Variants in KLHL1 observed in about 807,000 individuals in gnomAD.
KLHL1 encodes the protein kelch like family member 1.
A neutral mutation model predicts 77.7 loss-of-function variants in KLHL1; 47 were observed. That is an observed-to-expected ratio of 0.60 (90% CI 0.48 to 0.77). The LOEUF is 0.77. Among genes scored for constraint, KLHL1 ranks in the 30% least tolerant of loss-of-function variants. The probability of loss-of-function intolerance (pLI) is 0.00; values close to 1 mark genes in which losing one functional copy is unlikely to be tolerated. For synonymous variants in KLHL1, 360 were observed against 325.2 expected, an observed-to-expected ratio of 1.11 and a Z score of -1.15; for missense variants, 925 against 910.8, an observed-to-expected ratio of 1.02 and a Z score of -0.20.
chr13:69,746,676 CT>C (rs1874228655), intron 7 of KLHL1, among the ~76,000 whole-genome samples: 1 of 149,890 alleles, frequency 6.7e-6, no homozygotes, highest in Admixed American at 6.7e-5. Flanking sequence ...CATTTTTTTC[CT>C]TTTCCCCGTG....
At position 69,996,698 on chromosome 13, in the gene KLHL1, T is replaced by G. The variant is rs1195817473; in HGVS notation, c.498-20896A>C. On this transcript the variant is annotated intron_variant, in intron 1 of 10. Coordinates refer to ENST00000377844, the MANE Select transcript of KLHL1 (RefSeq NM_020866.3). ...GGAAGAACTTTAATTACCTTGATAA[T>G]GCATATACCAACACACTTTTCCATA... Among the ~76,000 whole-genome samples, 4 of 152,070 alleles carry G rather than the reference T, an allele frequency of 2.6e-5. 1 individual carries two copies. The highest frequency in any genetic ancestry group is 5.9e-5 in the Non-Finnish European group (4 of 68,006).
intron 7 of KLHL1, among the ~76,000 whole-genome samples, chr13:69,747,754 A>G (rs1217856186): frequency 2.6e-5 from 4 of 152,018 alleles, no homozygotes; most frequent in Non-Finnish European, 5.9e-5. Flanking sequence ...TGTTGCTAAG[A>G]ACATTAGGAA....
At chr13:69,814,593 T>C (rs1221549582) in intron 6 of KLHL1, among the ~76,000 whole-genome samples, 1 of 151,962 alleles carries the variant, frequency 6.6e-6, no homozygotes, top group African/African-American at 2.4e-5. Flanking sequence ...AACAGATACA[T>C]CTCAATAGAA....
At chr13:70,072,580 T>C (rs2137419489) in intron 1 of KLHL1, among the ~76,000 whole-genome samples, 1 of 152,066 alleles carries the variant, frequency 6.6e-6, no homozygotes, top group East Asian at 1.9e-4. Flanking sequence ...TGTATAACAA[T>C]AATTATACAC....
At chr13:70,082,709 C>T (rs2137431708) in intron 1 of KLHL1, among the ~76,000 whole-genome samples, 1 of 152,226 alleles carries the variant, frequency 6.6e-6, no homozygotes, top group South Asian at 2.1e-4. Flanking sequence ...GACACAGAAT[C>T]AACCCAGGTA....
At chr13:69,910,853 A>T (rs1003241013) in intron 4 of KLHL1, among the ~76,000 whole-genome samples, 2 of 152,148 alleles carry the variant, frequency 1.3e-5, no homozygotes, top group Non-Finnish European at 2.9e-5. Context: ...AGGAGAAGCC[A>T]GAGGACACAT....
At chr13:69,904,409 C>T (rs931562080) in intron 4 of KLHL1, among the ~76,000 whole-genome samples, 33 of 152,132 alleles carry the variant, frequency 2.2e-4, no homozygotes, top group Non-Finnish European at 7.4e-5. Flanking sequence ...CTTTATAAAT[C>T]TCCAACGTTC....
At chr13:69,737,448 C>T (rs924922498) in intron 8 of KLHL1, among the ~76,000 whole-genome samples, 3 of 152,342 alleles carry the variant, frequency 2.0e-5, no homozygotes, top group African/African-American at 7.2e-5. Flanking sequence ...GAATCTCTGG[C>T]GGCCAGCACA....
chr13:70,100,402 T>A (rs967251555), intron 1 of KLHL1, among the ~76,000 whole-genome samples: 3 of 152,186 alleles, frequency 2.0e-5, no homozygotes, highest in African/African-American at 4.8e-5. Flanking sequence ...TTGCTACATT[T>A]TTTTGTCGAT....
At chr13:70,086,572 CAAA>C (rs1211467536) in intron 1 of KLHL1, among the ~76,000 whole-genome samples, 1 of 36,746 alleles carries the variant, frequency 2.7e-5, no homozygotes, top group African/African-American at 9.5e-5. Flanking sequence ...AGCTCTGTCT[CAAA>C]AAAAAAAAAA....
At chr13:69,948,158 T>G (rs1883590656) in intron 3 of KLHL1, among the ~76,000 whole-genome samples, 1 of 152,154 alleles carries the variant, frequency 6.6e-6, no homozygotes, top group Non-Finnish European at 1.5e-5. Context: ...TCTCCAGAGT[T>G]AATTAATGAG....
intron 3 of KLHL1, among the ~76,000 whole-genome samples, chr13:69,959,374 C>A (rs1883995291): frequency 6.6e-6 from 1 of 151,816 alleles, no homozygotes; most frequent in African/African-American, 2.4e-5. Flanking sequence ...TTCCAGGAAA[C>A]AATAACGTAA....
At chr13:69,986,244 A>C (rs1054418305) in intron 1 of KLHL1, among the ~76,000 whole-genome samples, 1 of 151,956 alleles carries the variant, frequency 6.6e-6, no homozygotes, top group East Asian at 1.9e-4. Context: ...CAGGAGGAAT[A>C]AGTTCTGTTG....
intron 6 of KLHL1, among the ~76,000 whole-genome samples, chr13:69,812,049 A>C (rs2138063623): frequency 6.6e-6 from 1 of 151,924 alleles, no homozygotes; most frequent in East Asian, 1.9e-4. Flanking sequence ...TAGTGCTATA[A>C]ATTTCCCTCT....
chr13:69,818,600 G>A (rs934992142), intron 6 of KLHL1, among the ~76,000 whole-genome samples: 12 of 152,124 alleles, frequency 7.9e-5, no homozygotes, highest in African/African-American at 2.7e-4. Flanking sequence ...GATGCTTGGG[G>A]AAGTATGGTT....
chr13:70,037,895 T>C (rs994157338), intron 1 of KLHL1, among the ~76,000 whole-genome samples: 3 of 152,190 alleles, frequency 2.0e-5, no homozygotes, highest in Non-Finnish European at 4.4e-5. Flanking sequence ...ATATGTATAA[T>C]TCCCTTTTAC....
chr13:70,091,948 T>C (rs1566568617), intron 1 of KLHL1, among the ~76,000 whole-genome samples: 1 of 152,172 alleles, frequency 6.6e-6, no homozygotes, highest in Non-Finnish European at 1.5e-5. Context: ...ATCTTCTGCC[T>C]GGCAGCAGGG....
chr13:69,785,203 T>A (rs1042577505), intron 7 of KLHL1, among the ~76,000 whole-genome samples: 2 of 152,060 alleles, frequency 1.3e-5, no homozygotes, highest in African/African-American at 4.8e-5. Context: ...AGAATATACA[T>A]TTTTTTCAGC....
intron 1 of KLHL1, among the ~76,000 whole-genome samples, chr13:69,991,223 C>T (rs1885019110): frequency 6.6e-6 from 1 of 151,770 alleles, no homozygotes; most frequent in South Asian, 2.1e-4. Flanking sequence ...AAATTAACAA[C>T]CTAACATCAC....
Sources: allele counts gnomAD v4.1 joint callset (sites outside exome capture counted in the v4.1 genomes callset), GRCh38; gene constraint gnomAD v4.1.1; transcripts MANE v1.5; gene names NCBI Gene and HGNC (gene_info 2026-07-23, HGNC 2026-07-21).